The following CPN1 variants were observed in gnomAD, a reference collection of about 807,000 sequenced individuals.
The protein encoded by CPN1 is carboxypeptidase N subunit 1, also known as carboxypeptidase N catalytic chain.
A neutral mutation model predicts 46.4 loss-of-function variants in CPN1; 37 were observed. The observed-to-expected ratio is 0.80, with a 90% CI of 0.61 to 1.05. The LOEUF is 1.05. Ranked by LOEUF, CPN1 falls within the 50% of genes least tolerant of loss-of-function variation. CPN1 has a pLI of 0.00. For synonymous variants in CPN1, 224 were observed against 235.4 expected (o/e 0.95, Z 0.44); for missense variants, 563 against 602.6 (o/e 0.93, Z 0.69).
chr10:100,056,200 G>A (rs2041383634), intron 6 of CPN1, among the ~76,000 whole-genome samples: 1 of 152,096 alleles, frequency 6.6e-6, no homozygotes, highest in Non-Finnish European at 1.5e-5. Context: ...ATCAATTTGA[G>A]GTGGAATCTC....
At chr10:100,062,755 A>G (rs982599288) in intron 5 of CPN1, among the ~76,000 whole-genome samples, 9 of 140,374 alleles carry the variant, frequency 6.4e-5, no homozygotes, top group Non-Finnish European at 1.2e-4. Context: ...CACCATGCCC[A>G]CCTAATTTTT....
rs934463565 is a variant in CPN1 at position 100,081,694 on chromosome 10, C to T, written c.-69G>A. ...CTCCTTAAACAACCTAGCCTCTTCA[C>T]CCGCCAAAATCCAAGGTCCACCTAG... On this transcript the variant is annotated 5_prime_UTR_variant, in exon 1 of 9. It adds an upstream start codon to the 5' untranslated region. Coordinates refer to ENST00000370418, the MANE Select transcript of CPN1 (RefSeq NM_001308.3). The T allele has an allele frequency of 3.7e-6, 5 of 1,367,714 alleles. No individual in the cohort carries two copies. The highest frequency in any genetic ancestry group is 4.1e-6 in the Non-Finnish European group (4 of 974,526). The allele number at this position is 1,367,714 out of a possible 1,614,324, so 84.7% of individuals were successfully genotyped here.
At position 100,061,298 on chromosome 10, in the gene CPN1, C is replaced by T. The variant is rs150832287; in HGVS notation, c.871+2316G>A. 2.9e-3 allele frequency among the ~76,000 whole-genome samples: 441 copies of T among 152,284 alleles called. 1 individual carries two copies. Among genetic ancestry groups the T allele is most frequent in the Non-Finnish European group, 3.5e-3 (238 of 68,024 alleles). On this transcript the variant is annotated intron_variant, in intron 5 of 8. Transcript: ENST00000370418. ...CATTTACCCTGATGTAATTATTACA[C>T]ATTGCATGCCTGTATTAAAATATCA...
chr10:100,048,197 G>A (rs760653220), intron 8 of CPN1, among the ~76,000 whole-genome samples: 12 of 152,076 alleles, frequency 7.9e-5, no homozygotes, highest in Non-Finnish European at 1.6e-4. Context: ...TTTGTCCAAG[G>A]TCTGTGGGCA....
At chr10:100,058,692 A>G (rs528454396) in intron 5 of CPN1, among the ~76,000 whole-genome samples, 34 of 152,330 alleles carry the variant, frequency 2.2e-4, no homozygotes, top group African/African-American at 7.9e-4. Flanking sequence ...TAAAATTCAT[A>G]TGGAATTTTA....
At chr10:100,068,066 C>T (rs1220751221) in intron 3 of CPN1, among the ~76,000 whole-genome samples, 2 of 150,082 alleles carry the variant, frequency 1.3e-5, no homozygotes, top group Admixed American at 6.6e-5. Context: ...GCAGGAGAAT[C>T]GCTTGAACCC....
chr10:100,067,902 C>T (rs1395900344), intron 3 of CPN1, among the ~76,000 whole-genome samples: 2 of 151,878 alleles, frequency 1.3e-5, no homozygotes, highest in African/African-American at 2.4e-5. Context: ...ACCTGTAATC[C>T]CAGCACTTTG....
chr10:100,069,965 C>T (rs1003633540), intron 2 of CPN1, 96 bp from the exon 3 acceptor site: 1 of 1,419,416 alleles, frequency 7.0e-7, no homozygotes, highest in Admixed American at 1.8e-5. Context: ...CACTGTTGCC[C>T]AGGCTGAAGT....
intron 8 of CPN1, among the ~76,000 whole-genome samples, chr10:100,044,564 TA>T (rs1428730165): frequency 8.6e-5 from 13 of 151,896 alleles, no homozygotes; most frequent in Non-Finnish European, 1.8e-4. Context: ...TTTGTAGAGA[TA>T]TGATTTCGCC....
intron 7 of CPN1, among the ~76,000 whole-genome samples, chr10:100,052,660 G>A (rs1317156816): frequency 6.6e-6 from 1 of 151,984 alleles, no homozygotes; most frequent in Non-Finnish European, 1.5e-5. Context: ...GAGCTCAGGA[G>A]TTCGAGACCA....
chr10:100,065,726 G>A (rs1186577185), intron 3 of CPN1, among the ~76,000 whole-genome samples: 1 of 151,870 alleles, frequency 6.6e-6, no homozygotes, highest in African/African-American at 2.4e-5. Flanking sequence ...TACCAAGAGA[G>A]CAGTAAGGTA....
chr10:100,050,594 A>C (rs1453869167), intron 7 of CPN1, among the ~76,000 whole-genome samples: 1 of 152,086 alleles, frequency 6.6e-6, no homozygotes, highest in Non-Finnish European at 1.5e-5. Context: ...GGAAGGCTGG[A>C]CTACATGACC....
chr10:100,050,819 T>C (rs1484895516), intron 7 of CPN1, among the ~76,000 whole-genome samples: 2 of 152,208 alleles, frequency 1.3e-5, no homozygotes, highest in South Asian at 2.1e-4. Context: ...TTTGTAGAGA[T>C]GGAGGTCTTG....
In CPN1 at chr10:100,063,640, C is replaced by G; in HGVS notation, c.845G>C (p.Gly282Ala). 6.2e-7 allele frequency: 1 copy of G among 1,613,924 alleles called. No individual in the cohort carries two copies. The highest frequency in any genetic ancestry group is 8.5e-7 in the Non-Finnish European group (1 of 1,179,898). Reference sequence around the variant, plus strand: ...CTTGCTGAGAGAATACCAGGAAGCCCCATTGGTGATGCCATCTGGGAAGTA... The same window carrying G: ...CTTGCTGAGAGAATACCAGGAAGCCGCATTGGTGATGCCATCTGGGAAGTA... ...GDYFPDGITN[G>A]ASWYSLSKGM... is the part of the protein sequence containing the mutation. The change falls in exon 5 of 9, where the codon GGG becomes GCG. Residue 282 changes from glycine (G) to alanine (A), a missense_variant. Coordinates refer to ENST00000370418, the MANE Select transcript of CPN1 (RefSeq NM_001308.3).
At position 100,063,613 on chromosome 10, in the gene CPN1, C is replaced by A. The variant is rs1383169565; in HGVS notation, c.871+1G>T. The A allele has an allele frequency of 6.2e-7, 1 of 1,608,516 alleles. No individual in the cohort carries two copies. The highest frequency in any genetic ancestry group is 1.3e-5 in the African/African-American group (1 of 74,932). ...TGAGCAGTTCCCAGGACTCCCCTTA[C>A]CCTTGCTGAGAGAATACCAGGAAGC... On this transcript the variant is annotated splice_donor_variant, in intron 5 of 8. Coordinates refer to ENST00000370418, the MANE Select transcript of CPN1 (RefSeq NM_001308.3). LOFTEE classifies it high-confidence loss of function.
At chr10:100,073,005 C>T (rs537161494) in intron 2 of CPN1, among the ~76,000 whole-genome samples, 2 of 152,308 alleles carry the variant, frequency 1.3e-5, no homozygotes, top group East Asian at 3.9e-4. Flanking sequence ...AAGCTACAAT[C>T]TCACAGATGA....
chr10:100,072,323 G>A (rs946021621), intron 2 of CPN1, among the ~76,000 whole-genome samples: 4 of 151,988 alleles, frequency 2.6e-5, no homozygotes, highest in East Asian at 1.9e-4. Context: ...TTACAGGCAC[G>A]CGCCACAACA....
chr10:100,074,897 T>A (rs1002776577), intron 2 of CPN1, among the ~76,000 whole-genome samples: 1 of 152,338 alleles, frequency 6.6e-6, no homozygotes, highest in East Asian at 1.9e-4. Flanking sequence ...ACCATTGATT[T>A]AAAGTTACGC....
intron 5 of CPN1, among the ~76,000 whole-genome samples, chr10:100,063,295 A>G (rs12269507): frequency 0.057 from 8,562 of 151,520 alleles, 782 homozygotes; most frequent in African/African-American, 0.2. Flanking sequence ...TAATTTTTTC[A>G]TATTTTTAGT....
Sources: gnomAD v4.1 joint callset for allele counts (sites outside exome capture counted in the v4.1 genomes callset) on GRCh38, gnomAD v4.1.1 for gene constraint, MANE v1.5 for transcripts, NCBI Gene and HGNC (gene_info 2026-07-23, HGNC 2026-07-21) for gene names.